MGAT4C: variants seen among roughly 807,000 people sequenced by gnomAD.
MGAT4C encodes the protein alpha-1,3-mannosyl-glycoprotein 4-beta-N-acetylglucosaminyltransferase C.
Under a neutral mutation model 40.1 loss-of-function variants are expected in MGAT4C, and 19 were observed. The ratio of observed to expected loss-of-function variants is 0.47; its 90% CI spans 0.33 to 0.70. MGAT4C has a LOEUF of 0.70. Among genes scored for constraint, MGAT4C ranks in the 30% least tolerant of loss-of-function variants. The pLI, the probability that MGAT4C is intolerant of heterozygous loss-of-function variation, is 0.02. For synonymous variants in MGAT4C, 181 were observed against 187.1 expected (o/e 0.97, Z 0.27); for missense variants, 491 against 563.2 (o/e 0.87, Z 1.30).
At chr12:86,405,240 C>T (rs570912242) in intron 3 of MGAT4C, among the ~76,000 whole-genome samples, 63 of 151,940 alleles carry the variant, frequency 4.1e-4, no homozygotes, top group Middle Eastern at 3.4e-3. Context: ...TGTTTATCTA[C>T]GTAAAATAAT....
intron 1 of MGAT4C, among the ~76,000 whole-genome samples, chr12:86,836,131 C>T (rs534989070): frequency 2.4e-4 from 36 of 152,088 alleles, no homozygotes; most frequent in Non-Finnish European, 3.4e-4. Context: ...CGGATTTAAA[C>T]TTAGTTTGTC....
chr12:86,305,961 G>C (rs756494423), intron 4 of MGAT4C, among the ~76,000 whole-genome samples: 1 of 150,338 alleles, frequency 6.7e-6, no homozygotes, highest in African/African-American at 2.5e-5. Flanking sequence ...ATCTTTAAAA[G>C]AAATTGTTTT....
intron 4 of MGAT4C, among the ~76,000 whole-genome samples, chr12:85,981,099 G>A (rs963585250): frequency 1.3e-5 from 2 of 151,972 alleles, no homozygotes; most frequent in Admixed American, 6.6e-5. Context: ...AAACTTTAAT[G>A]CTACATTGTT....
At position 86,286,713 on chromosome 12, in the gene MGAT4C, C is replaced by A. The variant is rs527505179; in HGVS notation, c.-57+47352G>T. On this transcript the variant is annotated intron_variant, in intron 4 of 7. Transcript: ENST00000548651. ...GGTAATAAGCATAGTACACAATAGGCCATTTTTCTATTCTCATTCCCCTCC... is the reference window on the plus strand; with the variant it reads ...GGTAATAAGCATAGTACACAATAGGACATTTTTCTATTCTCATTCCCCTCC... 7.2e-5 allele frequency among the ~76,000 whole-genome samples: 11 copies of A among 152,058 alleles called. No homozygotes were observed. The South Asian group carries it at 2.3e-3, about 32-fold the overall frequency.
intron 3 of MGAT4C, among the ~76,000 whole-genome samples, chr12:86,430,466 T>C (rs951429445): frequency 6.6e-6 from 1 of 152,146 alleles, no homozygotes; most frequent in African/African-American, 2.4e-5. Context: ...GGGGACATCC[T>C]TGGGGAGGCA....
At chr12:86,760,494 A>C (rs561358191) in intron 1 of MGAT4C, among the ~76,000 whole-genome samples, 2 of 152,162 alleles carry the variant, frequency 1.3e-5, no homozygotes, top group Non-Finnish European at 2.9e-5. Flanking sequence ...ACTTCATTCA[A>C]GATGGAGTAA....
intron 1 of MGAT4C, among the ~76,000 whole-genome samples, chr12:86,733,715 C>G (rs2136122677): frequency 6.6e-6 from 1 of 151,906 alleles, no homozygotes; most frequent in Admixed American, 6.6e-5. Flanking sequence ...GAAGTTAAAC[C>G]AATCCAAAAA....
intron 2 of MGAT4C, among the ~76,000 whole-genome samples, chr12:86,656,618 C>A (rs1011164051): frequency 6.6e-6 from 1 of 152,032 alleles, no homozygotes; most frequent in Non-Finnish European, 1.5e-5. Context: ...ATTTACTCTC[C>A]AAAATTGATA....
At chr12:86,024,925 T>G (rs1163063121) in intron 2 of MGAT4C, among the ~76,000 whole-genome samples, 1 of 151,722 alleles carries the variant, frequency 6.6e-6, no homozygotes, top group Non-Finnish European at 1.5e-5. Context: ...TTTTCTATTT[T>G]CAGCCTCTTA....
At chr12:86,303,470 C>T (rs1473658633) in intron 4 of MGAT4C, among the ~76,000 whole-genome samples, 1 of 149,956 alleles carries the variant, frequency 6.7e-6, no homozygotes, top group Non-Finnish European at 1.5e-5. Context: ...ATTAATATCT[C>T]TTCCTACCTT....
intron 2 of MGAT4C, among the ~76,000 whole-genome samples, 181 bp from the exon 3 acceptor site, chr12:85,989,733 C>T (rs1294911299): frequency 6.6e-6 from 1 of 151,852 alleles, no homozygotes; most frequent in Non-Finnish European, 1.5e-5. Flanking sequence ...AACATAAGAT[C>T]AATGCAGTGG....
intron 1 of MGAT4C, among the ~76,000 whole-genome samples, chr12:86,838,378 GA>G (rs1349796749): frequency 6.6e-6 from 1 of 152,050 alleles, no homozygotes; most frequent in Non-Finnish European, 1.5e-5. Flanking sequence ...GCTACAAAAG[GA>G]AAATCCTCAA....
At chr12:86,068,743 C>T (rs1894801167) in intron 1 of MGAT4C, among the ~76,000 whole-genome samples, 1 of 151,982 alleles carries the variant, frequency 6.6e-6, no homozygotes, top group African/African-American at 2.4e-5. Flanking sequence ...GAGGCATTCT[C>T]TTTACTATTC....
chr12:86,232,133 C>G (rs1315538345), intron 1 of MGAT4C, among the ~76,000 whole-genome samples: 1 of 124,568 alleles, frequency 8.0e-6, no homozygotes. Flanking sequence ...AGACTCTCTT[C>G]CAAAAAAGAA....
intron 3 of MGAT4C, among the ~76,000 whole-genome samples, chr12:86,429,236 C>T (rs751473379): frequency 3.0e-4 from 46 of 152,096 alleles, no homozygotes; most frequent in Non-Finnish European, 5.3e-4. Context: ...TGTTCAGGAT[C>T]ATGTTGCTTA....
intron 1 of MGAT4C, among the ~76,000 whole-genome samples, chr12:86,107,535 A>G (rs559125048): frequency 1.5e-4 from 23 of 152,342 alleles, no homozygotes; most frequent in African/African-American, 4.6e-4. Flanking sequence ...TATTTTCAGC[A>G]CAGTTGAAAC....
intron 2 of MGAT4C, among the ~76,000 whole-genome samples, chr12:86,511,360 C>T (rs937909430): frequency 5.3e-5 from 8 of 151,956 alleles, no homozygotes; most frequent in South Asian, 2.1e-4. Flanking sequence ...AATGTTTCAC[C>T]GTTTTCAGTG....
At chr12:86,282,612 T>C (rs948731600) in intron 4 of MGAT4C, among the ~76,000 whole-genome samples, 2 of 152,098 alleles carry the variant, frequency 1.3e-5, no homozygotes, top group Admixed American at 6.6e-5. Context: ...ATATATCTAG[T>C]AAATATTTAT....
At chr12:86,711,314 C>T (rs898098180) in intron 2 of MGAT4C, among the ~76,000 whole-genome samples, 1 of 152,038 alleles carries the variant, frequency 6.6e-6, no homozygotes, top group Non-Finnish European at 1.5e-5. Context: ...CTGTACCTGG[C>T]GCTCCTGAGA....
Sources: allele counts gnomAD v4.1 joint callset (sites outside exome capture counted in the v4.1 genomes callset), GRCh38; gene constraint gnomAD v4.1.1; transcripts MANE v1.5; gene names NCBI Gene and HGNC (gene_info 2026-07-23, HGNC 2026-07-21).